The following ELMO1 variants were observed in gnomAD, a reference collection of about 807,000 sequenced individuals.
ELMO1 encodes the protein engulfment and cell motility protein 1.
In ELMO1, 26 loss-of-function variants were observed where a neutral mutation model predicts 98.9. The observed-to-expected ratio is 0.26, with a 90% CI of 0.19 to 0.36. The LOEUF is 0.36. Ranked by LOEUF, ELMO1 falls within the 10% of genes least tolerant of loss-of-function variation. The pLI is 1.00. For synonymous variants in ELMO1, 346 were observed against 346.0 expected, an observed-to-expected ratio of 1.00 and a Z score of 0.00; for missense variants, 627 against 935.2, an observed-to-expected ratio of 0.67 and a Z score of 4.30.
intron 15 of ELMO1, among the ~76,000 whole-genome samples, chr7:37,048,373 A>T (rs1181529168): frequency 7.8e-6 from 1 of 128,426 alleles, no homozygotes; most frequent in Non-Finnish European, 1.7e-5. Flanking sequence ...CTTAAATTAT[A>T]AAAAATAAGG....
intron 13 of ELMO1, among the ~76,000 whole-genome samples, chr7:37,209,059 G>C (rs553176021): frequency 6.6e-6 from 1 of 150,428 alleles, no homozygotes; most frequent in Non-Finnish European, 1.5e-5. Context: ...ACACTCCCCA[G>C]ACAGGGAAAA....
At chr7:36,914,553 C>T (rs1376568469) in intron 16 of ELMO1, among the ~76,000 whole-genome samples, 33 of 147,488 alleles carry the variant, frequency 2.2e-4, no homozygotes, top group African/African-American at 5.5e-4. Context: ...CTCACTCTGT[C>T]GCCAGGCTGG....
intron 15 of ELMO1, among the ~76,000 whole-genome samples, chr7:37,088,103 C>G (rs1034691159): frequency 6.6e-6 from 1 of 152,138 alleles, no homozygotes; most frequent in Non-Finnish European, 1.5e-5. Flanking sequence ...GCCATGACCT[C>G]TAAGAGACAA....
At chr7:37,064,161 C>CT (rs1796823730) in intron 15 of ELMO1, among the ~76,000 whole-genome samples, 1 of 152,168 alleles carries the variant, frequency 6.6e-6, no homozygotes, top group African/African-American at 2.4e-5. Context: ...GCCCTTGACA[C>CT]TGCCTGGGCA....
chr7:37,014,834 C>T (rs757905799), intron 15 of ELMO1, among the ~76,000 whole-genome samples: 6 of 151,774 alleles, frequency 4.0e-5, no homozygotes, highest in Non-Finnish European at 8.8e-5. Flanking sequence ...GGGGTGGGAG[C>T]AGGCTTATAG....
intron 16 of ELMO1, among the ~76,000 whole-genome samples, chr7:37,009,649 G>T (rs1793409642): frequency 1.3e-5 from 2 of 152,206 alleles, no homozygotes; most frequent in Non-Finnish European, 2.9e-5. Context: ...AGGAGCTAAA[G>T]AAGACAGATA....
At chr7:37,390,456 C>CT (rs967775254) in intron 1 of ELMO1, among the ~76,000 whole-genome samples, 19 of 149,742 alleles carry the variant, frequency 1.3e-4, no homozygotes, top group South Asian at 4.3e-4. Flanking sequence ...TACACTCTGC[C>CT]TTTTTTTTTT....
chr7:36,859,944 A>G (rs1802485499), intron 21 of ELMO1, among the ~76,000 whole-genome samples: 1 of 151,950 alleles, frequency 6.6e-6, no homozygotes, highest in African/African-American at 2.4e-5. Flanking sequence ...CTCAAGACCA[A>G]CCCGTCCTCT....
intron 14 of ELMO1, among the ~76,000 whole-genome samples, chr7:37,118,961 C>T (rs1244680920): frequency 6.6e-6 from 1 of 152,180 alleles, no homozygotes; most frequent in African/African-American, 2.4e-5. Flanking sequence ...GGACAATGGA[C>T]ACATATTATC....
At chr7:36,981,714 C>T in intron 16 of ELMO1, among the ~76,000 whole-genome samples, 1 of 152,118 alleles carries the variant, frequency 6.6e-6, no homozygotes, top group East Asian at 1.9e-4. Context: ...TGGATGAGTG[C>T]CGACTTTCTG....
chr7:37,182,876 G>T (rs1790971189), intron 13 of ELMO1, among the ~76,000 whole-genome samples: 2 of 152,064 alleles, frequency 1.3e-5, no homozygotes, highest in Admixed American at 1.3e-4. Context: ...TGGTGGAGGG[G>T]CCCTCATAGG....
intron 16 of ELMO1, among the ~76,000 whole-genome samples, chr7:36,920,643 G>T (rs772699120): frequency 2.6e-5 from 4 of 152,046 alleles, no homozygotes; most frequent in Non-Finnish European, 5.9e-5. Flanking sequence ...AAAAAAATCT[G>T]GCATAAAACA....
chr7:37,251,605 C>T (rs1212840168), intron 6 of ELMO1, among the ~76,000 whole-genome samples: 1 of 152,164 alleles, frequency 6.6e-6, no homozygotes, highest in African/African-American at 2.4e-5. Flanking sequence ...CTATTTATGA[C>T]AAACCCACAG....
chr7:37,285,074 T>C (rs1410489935), intron 4 of ELMO1, among the ~76,000 whole-genome samples: 2 of 152,214 alleles, frequency 1.3e-5, no homozygotes, highest in Non-Finnish European at 2.9e-5. Flanking sequence ...GACACGTCTA[T>C]AGTGCTGCAC....
rs1020301759 is a variant in ELMO1 at position 37,025,846 on chromosome 7, C to T, written c.1301-12411G>A. Among the ~76,000 whole-genome samples, 16 of 150,580 alleles carry T rather than the reference C, an allele frequency of 1.1e-4. No homozygotes were observed. In the East Asian group the frequency reaches 2.9e-3, roughly 27 times the overall value. On this transcript the variant is annotated intron_variant, in intron 15 of 21. Transcript: ENST00000310758. The stretch of plus-strand genomic sequence containing the variant: ...ATATATCATATATATTCTATATATA[C>T]ATGAGATTTATAAGGATTCTCTGTC...
chr7:37,365,386 G>T (rs192990209), intron 1 of ELMO1, among the ~76,000 whole-genome samples: 136 of 152,326 alleles, frequency 8.9e-4, no homozygotes, highest in African/African-American at 3.0e-3. Context: ...CTGTACCCAA[G>T]CTCCCTCTAG....
At chr7:37,180,377 T>C (rs1790770768) in intron 13 of ELMO1, among the ~76,000 whole-genome samples, 1 of 152,194 alleles carries the variant, frequency 6.6e-6, no homozygotes, top group South Asian at 2.1e-4. Context: ...AGAACTTGAA[T>C]CTAATCATGA....
intron 15 of ELMO1, among the ~76,000 whole-genome samples, chr7:37,052,614 T>C (rs1010550823): frequency 1.3e-5 from 2 of 152,202 alleles, no homozygotes; most frequent in African/African-American, 4.8e-5. Context: ...ATGAATGTGA[T>C]GTTTCACCTG....
At chr7:36,901,655 G>A (rs1215837130) in intron 16 of ELMO1, among the ~76,000 whole-genome samples, 2 of 152,130 alleles carry the variant, frequency 1.3e-5, no homozygotes, top group Non-Finnish European at 2.9e-5. Flanking sequence ...TACAAGCTGG[G>A]AAAATCACTC....
Sources: allele counts gnomAD v4.1 joint callset (sites outside exome capture counted in the v4.1 genomes callset), GRCh38; gene constraint gnomAD v4.1.1; transcripts MANE v1.5; gene names NCBI Gene and HGNC (gene_info 2026-07-23, HGNC 2026-07-21).